The following NFATC3 variants were observed in gnomAD, a reference collection of about 807,000 sequenced individuals.
The protein encoded by NFATC3 is nuclear factor of activated T cells 3.
NFATC3 carries 46 observed loss-of-function variants against 98.6 expected under a neutral mutation model. The ratio of observed to expected loss-of-function variants is 0.47; its 90% CI spans 0.37 to 0.60. The LOEUF is 0.60. NFATC3 is among the 20% of genes least tolerant of loss of function. The pLI is 0.00. For missense variants in NFATC3, 1,256 were observed against 1,295.5 expected (o/e 0.97, Z 0.47); for synonymous variants, 512 against 472.2 (o/e 1.08, Z -1.09).
intron 7 of NFATC3, among the ~76,000 whole-genome samples, chr16:68,182,472 A>G (rs536658915): frequency 1.3e-5 from 2 of 152,074 alleles, no homozygotes; most frequent in Admixed American, 6.6e-5. Flanking sequence ...TAGATAACAC[A>G]TTTTGTTTAA....
At chr16:68,147,913 A>G (rs2038119373) in intron 3 of NFATC3, among the ~76,000 whole-genome samples, 1 of 152,158 alleles carries the variant, frequency 6.6e-6, no homozygotes, top group African/African-American at 2.4e-5. Context: ...AGATAAACCA[A>G]AAGAGTAATG....
intron 4 of NFATC3, among the ~76,000 whole-genome samples, chr16:68,166,467 C>T (rs2039200256): frequency 6.6e-6 from 1 of 152,170 alleles, no homozygotes; most frequent in African/African-American, 2.4e-5. Context: ...CAGCCTTCTT[C>T]AGTGCTAGGC....
chr16:68,123,890 C>T (rs915217726), intron 2 of NFATC3, among the ~76,000 whole-genome samples: 5 of 151,574 alleles, frequency 3.3e-5, no homozygotes, highest in South Asian at 2.1e-4. Context: ...GAGGCTGAGG[C>T]GGGAGCATTG....
At chr16:68,163,387 C>G (rs1239597011) in intron 4 of NFATC3, among the ~76,000 whole-genome samples, 1 of 151,402 alleles carries the variant, frequency 6.6e-6, no homozygotes, top group East Asian at 2.0e-4. Context: ...CACCTCCCTC[C>G]CGGACGGGGC....
chr16:68,196,933 G>A (rs2040700289), intron 9 of NFATC3, among the ~76,000 whole-genome samples: 1 of 152,034 alleles, frequency 6.6e-6, no homozygotes, highest in African/African-American at 2.4e-5. Flanking sequence ...GGGAGGCTGA[G>A]GCAGGAGAGT....
intron 3 of NFATC3, among the ~76,000 whole-genome samples, chr16:68,131,398 C>T (rs1009160582): frequency 6.6e-6 from 1 of 152,122 alleles, no homozygotes; most frequent in African/African-American, 2.4e-5. Context: ...CTGCCTCAGC[C>T]TCCTGAGTAG....
Position 68,228,700 on chromosome 16 carries a change from G to C in NFATC3, c.*2229G>C, listed in dbSNP as rs183133847. 1 of 152,598 alleles carries C rather than the reference G, an allele frequency of 6.6e-6. No homozygotes were observed. The highest frequency in any genetic ancestry group is 1.5e-5 in the Non-Finnish European group (1 of 68,034). 9.5% of individuals were successfully genotyped at this position (152,598 alleles called of 1,614,324 possible). On this transcript the variant is annotated 3_prime_UTR_variant, in exon 10 of 10. Coordinates refer to ENST00000346183, the MANE Select transcript of NFATC3 (RefSeq NM_173165.3). ...GACTTAAATTTTTGTGCAACATAGT[G>C]GTGTTAAAGCACACATCCATTGGAC...
chr16:68,174,298 A>T, intron 5 of NFATC3, 76 bp from the exon 6 acceptor site: 1 of 1,163,204 alleles, frequency 8.6e-7, no homozygotes. Context: ...TTGTAGCTTG[A>T]GTTTGTCATT....
chr16:68,103,431 A>G (rs1598363305), intron 1 of NFATC3, among the ~76,000 whole-genome samples: 1 of 152,232 alleles, frequency 6.6e-6, no homozygotes, highest in East Asian at 1.9e-4. Context: ...GTTGGTCTCA[A>G]ATTCCTGGGC....
intron 9 of NFATC3, among the ~76,000 whole-genome samples, chr16:68,203,886 A>G (rs1217377392): frequency 6.6e-6 from 1 of 152,062 alleles, no homozygotes; most frequent in Non-Finnish European, 1.5e-5. Context: ...CTTCGTCTCT[A>G]CTAAAAACAG....
intron 5 of NFATC3, among the ~76,000 whole-genome samples, chr16:68,171,830 CA>C (rs1418161862): frequency 6.6e-6 from 1 of 151,428 alleles, no homozygotes; most frequent in Non-Finnish European, 1.5e-5. Context: ...CTGTTTCGCC[CA>C]GGGGTGGAGT....
intron 9 of NFATC3, among the ~76,000 whole-genome samples, chr16:68,201,364 A>AG (rs1184368238): frequency 2.6e-5 from 4 of 152,022 alleles, no homozygotes; most frequent in African/African-American, 9.7e-5. Context: ...CCCAAGTAGC[A>AG]GGGACTACAG....
chr16:68,163,729 G>A (rs1336254247), intron 4 of NFATC3, among the ~76,000 whole-genome samples: 36 of 151,586 alleles, frequency 2.4e-4, no homozygotes, highest in Non-Finnish European at 4.1e-4. Context: ...AGACGGGGTC[G>A]CGGCTGGGCA....
intron 5 of NFATC3, among the ~76,000 whole-genome samples, chr16:68,173,167 T>G (rs1335544837): frequency 6.6e-6 from 1 of 151,342 alleles, no homozygotes; most frequent in Admixed American, 6.6e-5. Flanking sequence ...GAGGCTGAGG[T>G]GGGAGTATTG....
chr16:68,130,215 TG>T (rs1051837025), intron 3 of NFATC3, among the ~76,000 whole-genome samples: 15 of 152,222 alleles, frequency 9.9e-5, no homozygotes, highest in African/African-American at 3.1e-4. Flanking sequence ...TTTAATTTTT[TG>T]AGTAACCTCC....
In NFATC3 at chr16:68,122,595, A is replaced by G. The variant is rs11552922; in HGVS notation, c.712A>G (p.Arg238Gly). The G allele has an allele frequency of 1.2e-6, 2 of 1,613,934 alleles. No individual in the cohort carries two copies. The highest frequency in any genetic ancestry group is 1.3e-5 in the African/African-American group (1 of 74,880). Residue 238 changes from arginine to glycine, a missense_variant, in exon 2 of 10, where the codon AGG becomes GGG. By Grantham distance (125) the Arg-to-Gly change is moderately radical. This residue lies in a region of NFATC3 where 464 missense variants were observed against 465.7 expected (regional missense o/e 1.00). Coordinates refer to ENST00000346183, the MANE Select transcript of NFATC3 (RefSeq NM_173165.3). ...QYGLGHSLSP[R>G]QSPCHSPRSS... is the part of the protein sequence containing the mutation. ...TGGACTTGGACACTCATTATCACCC[A>G]GGCAATCTCCTTGCCACTCTCCTAG...
intron 3 of NFATC3, among the ~76,000 whole-genome samples, chr16:68,130,370 T>C (rs770465889): frequency 6.6e-6 from 1 of 152,186 alleles, no homozygotes; most frequent in Non-Finnish European, 1.5e-5. Context: ...TTATATCTCA[T>C]TGTGGTTTTG....
At chr16:68,133,511 A>G (rs554623555) in intron 3 of NFATC3, among the ~76,000 whole-genome samples, 13 of 152,356 alleles carry the variant, frequency 8.5e-5, no homozygotes, top group African/African-American at 2.9e-4. Context: ...ACACGCAAGT[A>G]TAAATACTCA....
At chr16:68,150,011 T>C (rs919760231) in intron 3 of NFATC3, among the ~76,000 whole-genome samples, 4 of 152,254 alleles carry the variant, frequency 2.6e-5, no homozygotes, top group Admixed American at 6.5e-5. Context: ...GCTCTACTTA[T>C]ATCCTTTGAG....
Sources: gnomAD v4.1 joint callset for allele counts (sites outside exome capture counted in the v4.1 genomes callset) on GRCh38, gnomAD v4.1.1 for gene constraint, gnomAD v4.1.1 regional missense constraint, MANE v1.5 for transcripts, NCBI Gene and HGNC (gene_info 2026-07-23, HGNC 2026-07-21) for gene names.